The following MBTPS1 variants were observed in gnomAD, a reference collection of about 807,000 sequenced individuals.
The protein encoded by MBTPS1 is membrane bound transcription factor peptidase, site 1, also known as membrane-bound transcription factor site-1 protease.
In MBTPS1, 94 loss-of-function variants were observed where a neutral mutation model predicts 127.8. That is an observed-to-expected ratio of 0.74 (90% confidence interval 0.62 to 0.87). The LOEUF is 0.87. Ranked by LOEUF, MBTPS1 falls within the 40% of genes least tolerant of loss-of-function variation. The pLI, the probability that MBTPS1 is intolerant of heterozygous loss-of-function variation, is 0.00. For synonymous variants in MBTPS1, 632 were observed against 509.4 expected, an observed-to-expected ratio of 1.24 and a Z score of -3.24; for missense variants, 1,636 against 1,353.2, an observed-to-expected ratio of 1.21 and a Z score of -3.28.
intron 8 of MBTPS1, 121 bp downstream of exon 8, chr16:84,090,754 T>A: frequency 1.3e-6 from 1 of 743,432 alleles, no homozygotes; most frequent in Non-Finnish European, 2.3e-6. Context: ...AAAACATCCT[T>A]AAGACAAGTT....
At chr16:84,093,901 C>A in intron 4 of MBTPS1, 80 bp from the exon 5 acceptor site, 1 of 997,770 alleles carries the variant, frequency 1.0e-6, no homozygotes. Context: ...TACATTCCTT[C>A]CTGGGACCCA....
rs756845168 is a variant in MBTPS1 at position 84,060,554 on chromosome 16, T to G, written c.2704+128A>C. On this transcript the variant is annotated intron_variant, in intron 20 of 22. Coordinates refer to ENST00000343411, the MANE Select transcript of MBTPS1 (RefSeq NM_003791.4). ...CTGAGTGCTGCTCTACCCGCAGCCA[T>G]TACGAAAACCACTCAGCGGCGCACA... 48 of 1,084,176 alleles carry G rather than the reference T, an allele frequency of 4.4e-5. 1 individual carries two copies. Among genetic ancestry groups the G allele is most frequent in the Non-Finnish European group, 4.3e-5 (33 of 759,096 alleles). 67.2% of individuals were successfully genotyped at this position (1,084,176 alleles called of 1,614,324 possible).
At chr16:84,062,833 G>A (rs2085633377) in intron 19 of MBTPS1, among the ~76,000 whole-genome samples, 1 of 152,200 alleles carries the variant, frequency 6.6e-6, no homozygotes, top group Admixed American at 6.5e-5. Flanking sequence ...GCTCTTCACT[G>A]ATAAAGGCTA....
chr16:84,085,240 T>C (rs553889401), intron 9 of MBTPS1, 106 bp from the exon 10 acceptor site: 3 of 1,129,112 alleles, frequency 2.7e-6, no homozygotes, highest in Non-Finnish European at 2.6e-6. Context: ...AGTTAAAAAC[T>C]GTATAACCTT....
chr16:84,090,826 ATTT>A (rs757069739), intron 8 of MBTPS1, 46 bp downstream of exon 8: 1 of 1,355,440 alleles, frequency 7.4e-7, no homozygotes, highest in East Asian at 2.3e-5. Flanking sequence ...TTTTTCAGTT[ATTT>A]AAGGGGGAAA....
At chr16:84,075,634 T>C (rs945082932) in intron 11 of MBTPS1, 6 of 152,274 alleles carry the variant, frequency 3.9e-5, no homozygotes, top group South Asian at 2.1e-4. Flanking sequence ...TTACAGGAGA[T>C]GCCAGCCTTT....
intron 1 of MBTPS1, among the ~76,000 whole-genome samples, chr16:84,107,735 C>T (rs917261684): frequency 3.3e-5 from 5 of 151,294 alleles, no homozygotes; most frequent in Non-Finnish European, 5.9e-5. Flanking sequence ...GACAGGGTCC[C>T]GCTTGGTCAC....
chr16:84,071,062 C>A (rs1403080590), intron 12 of MBTPS1, among the ~76,000 whole-genome samples: 1 of 152,082 alleles, frequency 6.6e-6, no homozygotes, highest in Non-Finnish European at 1.5e-5. Context: ...GTCAAAAGTT[C>A]TTTGATGAAA....
intron 20 of MBTPS1, 190 bp downstream of exon 20, chr16:84,060,492 T>A (rs569549636): frequency 3.7e-5 from 22 of 588,628 alleles, no homozygotes; most frequent in Non-Finnish European, 1.5e-5. Flanking sequence ...CATGGCCCTC[T>A]GGGGACTAAG....
In MBTPS1 at chr16:84,099,186, G is replaced by C. The variant is rs138906208; in HGVS notation, c.288C>G (p.Asp96Glu). Residue 96 changes from aspartate to glutamate, a missense_variant, in exon 3 of 23, where the codon GAC becomes GAG. Transcript: ENST00000343411. ...RIIPRNNPSSDYPSDFEVIQI... is the reference protein window; with the variant it reads ...RIIPRNNPSSEYPSDFEVIQI... ...GAATCACCTCAAAATCACTAGGGTA[G>C]TCACTGGATGGATTGTTTCGAGGTA... 3.7e-6 allele frequency: 6 copies of C among 1,614,176 alleles called. 1 individual carries two copies. The highest frequency in any genetic ancestry group is 2.7e-5 in the African/African-American group (2 of 75,052).
At chr16:84,086,821 G>A (rs1477077076) in intron 9 of MBTPS1, among the ~76,000 whole-genome samples, 2 of 152,190 alleles carry the variant, frequency 1.3e-5, no homozygotes, top group Admixed American at 1.3e-4. Context: ...ACAGGTAAAG[G>A]TGGGTGAATG....
chr16:84,077,181 T>C (rs1217573665), intron 11 of MBTPS1, among the ~76,000 whole-genome samples: 1 of 139,786 alleles, frequency 7.2e-6, no homozygotes, highest in African/African-American at 2.7e-5. Context: ...GCTGAGATCA[T>C]GCAACTACAC....
At chr16:84,101,459 C>T (rs2086253852) in intron 2 of MBTPS1, among the ~76,000 whole-genome samples, 162 bp downstream of exon 2, 1 of 151,424 alleles carries the variant, frequency 6.6e-6, no homozygotes, top group South Asian at 2.1e-4. Context: ...CCACTGCACT[C>T]CAGCCTGGGT....
chr16:84,099,355 A>T (rs1308023244), intron 2 of MBTPS1, 45 bp from the exon 3 acceptor site: 1 of 1,578,666 alleles, frequency 6.3e-7, no homozygotes, highest in South Asian at 1.1e-5. Flanking sequence ...ACGCACATAC[A>T]TTATAACATA....
intron 10 of MBTPS1, chr16:84,082,202 A>C: frequency 5.2e-6 from 1 of 192,440 alleles, no homozygotes; most frequent in Non-Finnish European, 1.1e-5. Context: ...GAAGGCATGA[A>C]TGTATAGGAG....
In MBTPS1 at chr16:84,085,077, C is replaced by G. The variant is rs768811661; in HGVS notation, c.1192G>C (p.Val398Leu). Residue 398 changes from valine to leucine, a missense_variant, in exon 10 of 23, where the codon GTG becomes CTG. Coordinates refer to ENST00000343411, the MANE Select transcript of MBTPS1 (RefSeq NM_003791.4). ...CCCCCTTTCACGCCAGAACCCCGCACGCCAGCACCATAGGTGACAATGTCA... is the reference window on the plus strand; with the variant it reads ...CCCCCTTTCACGCCAGAACCCCGCAGGCCAGCACCATAGGTGACAATGTCA... ...KPDIVTYGAG[V>L]RGSGVKGGCR... 7.4e-6 allele frequency: 12 copies of G among 1,614,076 alleles called. No individual in the cohort carries two copies. Among genetic ancestry groups the G allele is most frequent in the Admixed American group, 3.3e-5 (2 of 60,006 alleles).
intron 11 of MBTPS1, 28 bp from the exon 12 acceptor site, chr16:84,074,769 A>T: frequency 6.3e-7 from 1 of 1,589,912 alleles, no homozygotes; most frequent in Non-Finnish European, 8.6e-7. Context: ...GTGTTAGAGT[A>T]GATCATATGA....
chr16:84,095,120 T>C (rs939112358), intron 4 of MBTPS1, among the ~76,000 whole-genome samples: 5 of 152,238 alleles, frequency 3.3e-5, no homozygotes, highest in South Asian at 2.1e-4. Context: ...GCAGGTGTGA[T>C]AGTCAATTAC....
chr16:84,077,216 C>G (rs1361780025), intron 11 of MBTPS1, among the ~76,000 whole-genome samples: 1 of 141,354 alleles, frequency 7.1e-6, no homozygotes, highest in East Asian at 2.0e-4. Context: ...CAGAGCAAGA[C>G]CCTGCTGCAT....
Sources: allele counts gnomAD v4.1 joint callset (sites outside exome capture counted in the v4.1 genomes callset), GRCh38; gene constraint gnomAD v4.1.1; transcripts MANE v1.5; gene names NCBI Gene and HGNC (gene_info 2026-07-23, HGNC 2026-07-21).